Variants in IDO1 observed in about 807,000 individuals in gnomAD.
IDO1 encodes indoleamine 2,3-dioxygenase 1.
IDO1 carries 35 observed loss-of-function variants against 38.8 expected under a neutral mutation model. That is an observed-to-expected ratio of 0.90 (90% CI 0.69 to 1.20). The LOEUF (loss-of-function observed/expected upper bound fraction) is 1.20, where lower values mean the gene tolerates loss of function less well. Ranked by LOEUF, IDO1 falls within the 50% of genes most tolerant of loss-of-function variation. IDO1 has a pLI of 0.00. For missense variants in IDO1, 509 were observed against 485.1 expected (o/e 1.05, Z -0.46); for synonymous variants, 171 against 170.0 (o/e 1.01, Z -0.05).
chr8:39,916,435 G>A (rs1036495806), intron 1 of IDO1, among the ~76,000 whole-genome samples: 3 of 151,964 alleles, frequency 2.0e-5, no homozygotes, highest in African/African-American at 4.8e-5. Flanking sequence ...CTGAGATTGC[G>A]CCACTGCACT....
chr8:39,926,669 T>A (rs946617801), intron 9 of IDO1, among the ~76,000 whole-genome samples: 5 of 152,224 alleles, frequency 3.3e-5, no homozygotes, highest in East Asian at 1.9e-4. Context: ...CACTCATTTT[T>A]AAAATTTTTT....
At position 39,925,266 on chromosome 8, in the gene IDO1, G is replaced by T; in HGVS notation, c.751G>T (p.Gly251Trp). The T allele has an allele frequency of 1.9e-6, 3 of 1,612,752 alleles. No individual in the cohort carries two copies. The highest frequency in any genetic ancestry group is 2.5e-6 in the Non-Finnish European group (3 of 1,179,406). The change falls in exon 9 of 10, where the codon GGG becomes TGG. Residue 251 changes from glycine to tryptophan, a missense_variant. Physicochemically the swap from Gly to Trp is radical, Grantham distance 184. Coordinates refer to ENST00000518237, the MANE Select transcript of IDO1 (RefSeq NM_002164.6). Reference protein sequence around the residue: ...PQLSDGLVYEGFWEDPKEFAG... With the variant: ...PQLSDGLVYEWFWEDPKEFAG... ...GCTATCAGACGGTCTGGTGTATGAAGGGTTCTGGGAAGACCCAAAGGAGTT... is the reference window on the plus strand; with the variant it reads ...GCTATCAGACGGTCTGGTGTATGAATGGTTCTGGGAAGACCCAAAGGAGTT...
Position 39,928,248 on chromosome 8 carries a change from C to T in IDO1, c.*63C>T. 2 of 1,174,728 alleles carry T rather than the reference C, an allele frequency of 1.7e-6. No individual in the cohort carries two copies. The highest frequency in any genetic ancestry group is 2.5e-5 in the East Asian group (1 of 39,824). 72.8% of individuals were successfully genotyped at this position (1,174,728 alleles called of 1,614,324 possible). On this transcript the variant is annotated 3_prime_UTR_variant, in exon 10 of 10. Transcript: ENST00000518237. ...CATCTGTATGCATTCCTGTCATTAC[C>T]CATTGTAACAGAGCCACAAACTAAT...
chr8:39,915,073 G>A (rs935423504), intron 1 of IDO1, among the ~76,000 whole-genome samples: 2 of 151,986 alleles, frequency 1.3e-5, no homozygotes, highest in African/African-American at 4.8e-5. Context: ...GGCCAGAAAC[G>A]TATGTTATTA....
At chr8:39,919,454 C>T (rs1440473176) in intron 4 of IDO1, among the ~76,000 whole-genome samples, 1 of 152,030 alleles carries the variant, frequency 6.6e-6, no homozygotes, top group African/African-American at 2.4e-5. Flanking sequence ...TAAGAGTCAA[C>T]ACATCTTTAA....
intron 9 of IDO1, among the ~76,000 whole-genome samples, chr8:39,926,460 G>C (rs1807360819): frequency 6.6e-6 from 1 of 152,172 alleles, no homozygotes; most frequent in African/African-American, 2.4e-5. Flanking sequence ...CGTGGCCCCA[G>C]CCACCCAGAG....
In IDO1 at chr8:39,922,553, A is replaced by T; in HGVS notation, c.439A>T (p.Asn147Tyr). The change falls in exon 6 of 10, where the codon AAC becomes TAC. Residue 147 changes from asparagine to tyrosine, a missense_variant and splice_region_variant. Physicochemically the swap from Asn to Tyr is moderately radical, Grantham distance 143. Transcript: ENST00000518237. The part of the protein sequence containing the change: ...KDPNKPLTYE[N>Y]MDVLFSFRDG... ...GCCTTCCTTATCCAATTTCCTCAGG[A>T]ACATGGACGTTTTGTTCTCATTTCG... 6.2e-7 allele frequency: 1 copy of T among 1,609,050 alleles called. No individual in the cohort carries two copies. The highest frequency in any genetic ancestry group is 8.5e-7 in the Non-Finnish European group (1 of 1,175,428).
chr8:39,924,207 A>G (rs1430617992), intron 7 of IDO1, among the ~76,000 whole-genome samples: 1 of 152,066 alleles, frequency 6.6e-6, no homozygotes, highest in African/African-American at 2.4e-5. Context: ...TTTCAAATCA[A>G]GTAGGGTAGG....
In IDO1 at chr8:39,925,383, A is replaced by G; in HGVS notation, c.856+12A>G. 2.5e-6 allele frequency: 4 copies of G among 1,605,010 alleles called. No individual in the cohort carries two copies. The highest frequency in any genetic ancestry group is 3.4e-6 in the Non-Finnish European group (4 of 1,175,928). Reference sequence around the variant, plus strand: ...GACTGCTGGTGGAGGTGAGTGGAAAATAACAAGAAATAATTATCTCTTATG... The same window carrying G: ...GACTGCTGGTGGAGGTGAGTGGAAAGTAACAAGAAATAATTATCTCTTATG... On this transcript the variant is annotated intron_variant, in intron 9 of 9. Transcript: ENST00000518237.
chr8:39,923,505 G>T lies in IDO1; in HGVS notation c.574G>T (p.Glu192Ter). ...TGTATTCAAGGCAATGCAAATGCAA[G>T]AACGGGACACTTTGCTAAAGGCGCT... ...PTVFKAMQMQ[E>*]RDTLLKALLE... Residue 192 changes from glutamate to a stop codon, truncating the protein, a stop_gained, in exon 7 of 10, where the codon GAA (glutamate) becomes TAA (stop). Coordinates refer to ENST00000518237, the MANE Select transcript of IDO1 (RefSeq NM_002164.6). LOFTEE classifies it high-confidence loss of function. 4.3e-6 allele frequency: 7 copies of T among 1,612,394 alleles called. No individual in the cohort carries two copies. The highest frequency in any genetic ancestry group is 5.9e-6 in the Non-Finnish European group (7 of 1,178,638).
chr8:39,918,767 AAAC>A (rs747397929), intron 3 of IDO1, 45 bp from the exon 4 acceptor site: 29,066 of 575,202 alleles, frequency 0.051, 3,653 homozygotes, highest in Middle Eastern at 0.084. Flanking sequence ...AAAAAAAAAA[AAAC>A]AACAACAACA....
rs548523620 is a variant in IDO1, at chr8:39,916,152, C to A, written c.88-1723C>A. Among the ~76,000 whole-genome samples the A allele has an allele frequency of 2.1e-5, 3 of 145,202 alleles. No individual in the cohort carries two copies. The South Asian group carries it at 6.6e-4, about 32-fold the overall frequency. ...CCGCACTCCAGCCTGGGTGACAGAG[C>A]GAGACTCCATCTCAGGAAATAATAA... On this transcript the variant is annotated intron_variant, in intron 1 of 9. Coordinates refer to ENST00000518237, the MANE Select transcript of IDO1 (RefSeq NM_002164.6).
chr8:39,925,876 T>A (rs2129592455), intron 9 of IDO1, among the ~76,000 whole-genome samples: 1 of 150,448 alleles, frequency 6.6e-6, no homozygotes, highest in South Asian at 2.1e-4. Context: ...AGAGCAAAAC[T>A]CCATCTCAAA....
intron 1 of IDO1, among the ~76,000 whole-genome samples, chr8:39,917,184 C>T (rs1241527479): frequency 6.6e-6 from 1 of 152,166 alleles, no homozygotes; most frequent in Non-Finnish European, 1.5e-5. Context: ...ATTCAAAGAA[C>T]TTAAAATCTA....
At chr8:39,918,383 A>G in intron 3 of IDO1, 176 bp downstream of exon 3, 1 of 601,990 alleles carries the variant, frequency 1.7e-6, no homozygotes, top group Non-Finnish European at 2.9e-6. Flanking sequence ...TATCATTATT[A>G]TATTTTTAGT....
chr8:39,925,292 TGCAGGGG>T lies in IDO1; in HGVS notation c.782_788del (p.Gly261ValfsTer33), dbSNP rs1392937953. The T allele has an allele frequency of 1.2e-6, 2 of 1,613,286 alleles. No homozygotes were observed. The highest frequency in any genetic ancestry group is 1.7e-6 in the Non-Finnish European group (2 of 1,179,752). ...GGTTCTGGGAAGACCCAAAGGAGTTTGCAGGGGGCAGTGCAGGCCAAAGCAGCGTCTT... is the reference window on the plus strand; with the variant it reads ...GGTTCTGGGAAGACCCAAAGGAGTTTGCAGTGCAGGCCAAAGCAGCGTCTT... On this transcript the variant is annotated frameshift_variant, in exon 9 of 10. Transcript: ENST00000518237. LOFTEE classifies it high-confidence loss of function.
At chr8:39,916,128 C>T (rs147625112) in intron 1 of IDO1, among the ~76,000 whole-genome samples, 1,510 of 150,896 alleles carry the variant, frequency 0.01, 25 homozygotes, top group African/African-American at 0.034. Flanking sequence ...ATCACGCCAC[C>T]GCACTCCAGC....
chr8:39,926,136 G>C (rs1249131975), intron 9 of IDO1, among the ~76,000 whole-genome samples: 1 of 151,978 alleles, frequency 6.6e-6, no homozygotes, highest in Non-Finnish European at 1.5e-5. Context: ...GCAGTGAACC[G>C]ATATGGCGCC....
intron 3 of IDO1, chr8:39,918,447 A>C (rs189198266): frequency 1.9e-6 from 1 of 520,100 alleles, no homozygotes; most frequent in African/African-American, 1.9e-5. Flanking sequence ...ATTACATAAA[A>C]CTAATACAGA....
Sources: gnomAD v4.1 joint callset for allele counts (sites outside exome capture counted in the v4.1 genomes callset) on GRCh38, gnomAD v4.1.1 for gene constraint, MANE v1.5 for transcripts, NCBI Gene and HGNC (gene_info 2026-07-23, HGNC 2026-07-21) for gene names.